Variants in MYL11 observed in about 807,000 individuals in gnomAD.
MYL11 encodes myosin regulatory light chain 11.
chr16:30,377,830 T>G, the MYL11 span: 2 of 1,614,094 alleles, frequency 1.2e-6, no homozygotes, highest in African/African-American at 1.3e-5. Flanking sequence ...CCCCCCGACG[T>G]GGGCGGCAAC....
the MYL11 span, chr16:30,376,298 G>A: frequency 1.3e-6 from 2 of 1,567,436 alleles, no homozygotes; most frequent in Non-Finnish European, 1.7e-6. Context: ...TTCCAGCCCT[G>A]TCAGCTCCAC....
At chr16:30,377,821 C>T in the MYL11 span, 1 of 1,614,160 alleles carries the variant, frequency 6.2e-7, no homozygotes, top group Admixed American at 1.7e-5. Context: ...GCGGCCTTCC[C>T]CCCCGACGTG....
At chr16:30,376,232 AC>A in the MYL11 span, 1 of 1,612,610 alleles carries the variant, frequency 6.2e-7, no homozygotes, top group East Asian at 2.2e-5. Context: ...TGAGCCCCCT[AC>A]CCCCAGGTGG....
the MYL11 span, among the ~76,000 whole-genome samples, chr16:30,377,121 G>A: frequency 5.5e-4 from 83 of 152,216 alleles, 1 homozygote; most frequent in East Asian, 0.014. Context: ...ACTGGGACAT[G>A]AGAATCGCTT....
chr16:30,377,893 A>T, the MYL11 span: 1 of 1,608,336 alleles, frequency 6.2e-7, no homozygotes, highest in Non-Finnish European at 8.5e-7. Flanking sequence ...GCCAAGGACC[A>T]GGAGTAGGGG....
chr16:30,371,344 C>T, the MYL11 span, among the ~76,000 whole-genome samples: 1 of 152,172 alleles, frequency 6.6e-6, no homozygotes, highest in Non-Finnish European at 1.5e-5. Flanking sequence ...CTGAGCCCCA[C>T]ACTCTGGTGG....
the MYL11 span, chr16:30,377,438 G>A: frequency 2.2e-6 from 1 of 457,312 alleles, no homozygotes; most frequent in Non-Finnish European, 3.8e-6. Context: ...CCAGAGGTAA[G>A]GGAGTAGTTA....
the MYL11 span, chr16:30,371,004 GGTCA>G: frequency 6.6e-6 from 1 of 152,234 alleles, no homozygotes; most frequent in Non-Finnish European, 1.5e-5. Context: ...CTCCCAAAAT[GGTCA>G]GTAAGGAATG....
the MYL11 span, chr16:30,375,749 C>G: frequency 2.3e-6 from 3 of 1,314,078 alleles, no homozygotes; most frequent in Non-Finnish European, 2.2e-6. Context: ...AATTCTGACT[C>G]TTAATCCATT....
At chr16:30,376,264 T>A in the MYL11 span, 12 of 1,602,082 alleles carry the variant, frequency 7.5e-6, no homozygotes, top group Admixed American at 6.8e-5. Context: ...GGCTGCAGAG[T>A]CTAGGAAATT....
At chr16:30,375,057 C>A in the MYL11 span, among the ~76,000 whole-genome samples, 2 of 152,252 alleles carry the variant, frequency 1.3e-5, no homozygotes, top group Non-Finnish European at 2.9e-5. Flanking sequence ...AGACATTCAA[C>A]TCACAGGGGC....
chr16:30,376,357 T>C, the MYL11 span: 1 of 1,556,460 alleles, frequency 6.4e-7, no homozygotes, highest in East Asian at 2.3e-5. Flanking sequence ...TCAGCTGAAT[T>C]AGTGGGAAGC....
At chr16:30,374,993 A>AAGGG in the MYL11 span, 1 of 1,205,470 alleles carries the variant, frequency 8.3e-7, no homozygotes. Context: ...GGCATCACTG[A>AAGGG]TGGAAAACAG....
At chr16:30,374,969 C>T in the MYL11 span, 1 of 1,383,266 alleles carries the variant, frequency 7.2e-7, no homozygotes, top group Non-Finnish European at 9.9e-7. Context: ...TAAAAGGATG[C>T]TCATCTCTTT....
At chr16:30,377,091 TA>T in the MYL11 span, among the ~76,000 whole-genome samples, 4 of 152,018 alleles carry the variant, frequency 2.6e-5, no homozygotes, top group African/African-American at 9.7e-5. Context: ...CGGGCGCCTG[TA>T]GTCCCAGCTA....
chr16:30,376,796 G>A, the MYL11 span: 2 of 1,242,600 alleles, frequency 1.6e-6, no homozygotes, highest in Non-Finnish European at 2.3e-6. Context: ...GCTGGGCCCT[G>A]TGGCTCAGGC....
At chr16:30,375,870 C>G in the MYL11 span, 2 of 1,614,132 alleles carry the variant, frequency 1.2e-6, no homozygotes, top group Non-Finnish European at 1.7e-6. Context: ...GCTCCAGCGT[C>G]TTCTCCATGT....
At chr16:30,377,731 C>T in the MYL11 span, 1 of 1,571,066 alleles carries the variant, frequency 6.4e-7, no homozygotes, top group South Asian at 1.1e-5. Context: ...GGGGCCGGAG[C>T]AGCAAAGGGG....
chr16:30,377,120 T>G, the MYL11 span, among the ~76,000 whole-genome samples: 1 of 151,654 alleles, frequency 6.6e-6, no homozygotes, highest in Non-Finnish European at 1.5e-5. Context: ...GACTGGGACA[T>G]GAGAATCGCT....
Sources: allele counts gnomAD v4.1 joint callset (sites outside exome capture counted in the v4.1 genomes callset), GRCh38; gene constraint gnomAD v4.1.1; transcripts MANE v1.5; gene names NCBI Gene and HGNC (gene_info 2026-07-23, HGNC 2026-07-21).